The following TRIM2 variants were observed in gnomAD, a reference collection of about 807,000 sequenced individuals.
TRIM2 encodes tripartite motif containing 2.
In TRIM2, 20 loss-of-function variants were observed where a neutral mutation model predicts 75.2. That is an observed-to-expected ratio of 0.27 (90% CI 0.19 to 0.39). The LOEUF (loss-of-function observed/expected upper bound fraction) is 0.39. Among genes scored for constraint, TRIM2 ranks in the 10% least tolerant of loss-of-function variants. The pLI is 1.00. For missense variants in TRIM2, 660 were observed against 990.8 expected, an observed-to-expected ratio of 0.67 and a Z score of 4.48; for synonymous variants, 373 against 388.3, an observed-to-expected ratio of 0.96 and a Z score of 0.46.
At position 153,295,043 on chromosome 4, in the gene TRIM2, A is replaced by G. The variant is rs1465951127; in HGVS notation, c.787-270A>G. ...TTAATTTGCTATGCTCTTGGTAGTG[A>G]CCTTTCTGTTTTCCCCTCTCCAAAA... On this transcript the variant is annotated intron_variant, in intron 5 of 11. Coordinates refer to ENST00000338700, the MANE Select transcript of TRIM2 (RefSeq NM_015271.5). The surrounding 1 kb of genome is among the most constrained non-coding windows in gnomAD (Gnocchi z 7.2). 1.3e-5 allele frequency among the ~76,000 whole-genome samples: 2 copies of G among 152,198 alleles called. No individual in the cohort carries two copies. Among genetic ancestry groups the G allele is most frequent in the Non-Finnish European group, 2.9e-5 (2 of 68,026 alleles).
At chr4:153,297,193 AAAGACGG>A (rs1425616469) in intron 6 of TRIM2, among the ~76,000 whole-genome samples, 15 of 152,172 alleles carry the variant, frequency 9.9e-5, no homozygotes, top group Non-Finnish European at 2.2e-4. Context: ...GAATCTTCGC[AAAGACGG>A]TGATATGATA....
At chr4:153,314,049 A>G (rs566191324) in intron 6 of TRIM2, among the ~76,000 whole-genome samples, 1 of 152,294 alleles carries the variant, frequency 6.6e-6, no homozygotes, top group South Asian at 2.1e-4. Context: ...CATTGTTTCC[A>G]TTCATTAATA....
intron 1 of TRIM2, among the ~76,000 whole-genome samples, chr4:153,242,725 T>C (rs1746965183): frequency 6.6e-6 from 1 of 152,208 alleles, no homozygotes; most frequent in Non-Finnish European, 1.5e-5. Context: ...TCCAGCTCCC[T>C]GGGTCTGCCT....
chr4:153,296,110 A>G, intron 6 of TRIM2, 74 bp downstream of exon 6: 2 of 1,485,434 alleles, frequency 1.3e-6, no homozygotes, highest in Admixed American at 2.4e-5. Flanking sequence ...TGTCATTGCA[A>G]ATAGCAACAC....
chr4:153,327,893 T>C (rs1443731108), intron 10 of TRIM2, among the ~76,000 whole-genome samples: 1 of 152,176 alleles, frequency 6.6e-6, no homozygotes, highest in African/African-American at 2.4e-5. Context: ...ATCAAAGCCT[T>C]AGGATCATAT....
In TRIM2 at chr4:153,262,243, A is replaced by G. The variant is rs147871265; in HGVS notation, c.31-8092A>G. On this transcript the variant is annotated intron_variant, in intron 1 of 11. Transcript: ENST00000338700. ...CCAGCTAAGTGGAAGACTGGACTTT[A>G]TTACTCAAATCAGACTCCCCCAAAA... Among the ~76,000 whole-genome samples the G allele has an allele frequency of 5.9e-5, 9 of 152,304 alleles. No individual in the cohort carries two copies. The East Asian group carries it at 1.7e-3, about 29-fold the overall frequency.
intron 1 of TRIM2, among the ~76,000 whole-genome samples, chr4:153,246,927 C>A (rs1749325934): frequency 6.6e-6 from 1 of 152,204 alleles, no homozygotes; most frequent in Non-Finnish European, 1.5e-5. Context: ...AGATGCAATG[C>A]CAACCTTGAG....
intron 1 of TRIM2, among the ~76,000 whole-genome samples, chr4:153,185,432 G>A (rs1432540649): frequency 1.3e-5 from 2 of 152,084 alleles, no homozygotes; most frequent in Non-Finnish European, 2.9e-5. Flanking sequence ...CAATAAAGCA[G>A]AGGCTTGATC....
Position 153,306,799 on chromosome 4 carries a change from A to C in TRIM2, c.1511-8686A>C, listed in dbSNP as rs568700010. ...CTGGATGAAAGCATTTACACTGCAG[A>C]AATGGGAAATGCTACATATCAGAGC... On this transcript the variant is annotated intron_variant, in intron 6 of 11. Transcript: ENST00000338700. Among the ~76,000 whole-genome samples, 3 of 152,312 alleles carry C rather than the reference A, an allele frequency of 2.0e-5. No homozygotes were observed. In the East Asian group the frequency reaches 5.8e-4, roughly 29 times the overall value.
At chr4:153,307,084 G>A (rs1251380480) in intron 6 of TRIM2, among the ~76,000 whole-genome samples, 1 of 152,130 alleles carries the variant, frequency 6.6e-6, no homozygotes, top group Non-Finnish European at 1.5e-5. Flanking sequence ...CTCTAATATT[G>A]TATTAGAAAA....
chr4:153,333,853 A>G (rs1772022707), intron 11 of TRIM2, among the ~76,000 whole-genome samples: 2 of 152,188 alleles, frequency 1.3e-5, no homozygotes, highest in African/African-American at 4.8e-5. Context: ...GGGGATGTGC[A>G]CAGGTTAGGT....
intron 1 of TRIM2, among the ~76,000 whole-genome samples, chr4:153,205,088 T>A (rs75000449): frequency 3.1e-3 from 478 of 152,354 alleles, no homozygotes; most frequent in African/African-American, 9.9e-3. Context: ...TGTAAAGTTT[T>A]ACTGCCCCAT....
chr4:153,179,414 C>T lies in TRIM2; in HGVS notation c.-49+26144C>T, dbSNP rs957229618. On this transcript the variant is annotated intron_variant, in intron 1 of 11. Coordinates refer to the TRIM2 transcript ENST00000437508. Reference sequence around the variant, plus strand: ...TAATAAAATAAAAGCTCTGAGAAGTCCTGCAAAAAGATGTCTATTTAATTC... The same window carrying T: ...TAATAAAATAAAAGCTCTGAGAAGTTCTGCAAAAAGATGTCTATTTAATTC... 4.6e-5 allele frequency among the ~76,000 whole-genome samples: 7 copies of T among 151,500 alleles called. No homozygotes were observed. The South Asian group carries it at 1.3e-3, about 27-fold the overall frequency.
At chr4:153,327,069 G>A (rs923225993) in intron 10 of TRIM2, among the ~76,000 whole-genome samples, 8 of 151,744 alleles carry the variant, frequency 5.3e-5, no homozygotes, top group Non-Finnish European at 8.8e-5. Flanking sequence ...AATAAATTGT[G>A]TCCAGCATAA....
At chr4:153,168,204 G>C (rs1730501881) in intron 1 of TRIM2, among the ~76,000 whole-genome samples, 1 of 151,938 alleles carries the variant, frequency 6.6e-6, no homozygotes, top group Non-Finnish European at 1.5e-5. Context: ...TCATAAAATA[G>C]CATGCTATGC....
Position 153,266,631 on chromosome 4 carries a change from G to C in TRIM2, c.31-3704G>C, listed in dbSNP as rs148345732. Among the ~76,000 whole-genome samples, 1,363 of 147,106 alleles carry C rather than the reference G, an allele frequency of 9.3e-3. 19 individuals carry two copies. The highest frequency in any genetic ancestry group is 0.031 in the African/African-American group (1,200 of 39,030). ...GCTGGGATTACAGGTGTGAGCCACT[G>C]TGCCCGACCTTTTTTTTTTTTTTTT... On this transcript the variant is annotated intron_variant, in intron 1 of 11. Coordinates refer to ENST00000338700, the MANE Select transcript of TRIM2 (RefSeq NM_015271.5).
intron 6 of TRIM2, among the ~76,000 whole-genome samples, chr4:153,309,300 CT>C (rs1765719373): frequency 2.0e-5 from 3 of 150,364 alleles, no homozygotes; most frequent in South Asian, 4.2e-4. Flanking sequence ...ATTCTTCCCC[CT>C]GTCTCTGATG....
At chr4:153,254,477 GA>G (rs1751581752) in intron 1 of TRIM2, among the ~76,000 whole-genome samples, 1 of 152,204 alleles carries the variant, frequency 6.6e-6, no homozygotes, top group Non-Finnish European at 1.5e-5. Flanking sequence ...GTAATCCCAA[GA>G]ATCCTGGGCT....
chr4:153,234,274 C>T (rs1048323461), intron 1 of TRIM2, among the ~76,000 whole-genome samples: 2 of 152,188 alleles, frequency 1.3e-5, no homozygotes, highest in Admixed American at 6.5e-5. Context: ...TTGCTTGCAT[C>T]TCCCTTTATC....
Sources: allele counts gnomAD v4.1 joint callset (sites outside exome capture counted in the v4.1 genomes callset), GRCh38; gene constraint gnomAD v4.1.1; non-coding constraint Gnocchi (gnomAD v3.1); transcripts MANE v1.5; gene names NCBI Gene and HGNC (gene_info 2026-07-23, HGNC 2026-07-21).